Variants in UBAP2L observed in about 807,000 individuals in gnomAD.
The protein encoded by UBAP2L is ubiquitin-associated protein 2-like.
In UBAP2L, 12 loss-of-function variants were observed where a neutral mutation model predicts 130.6. That is an observed-to-expected ratio of 0.09 (90% CI 0.06 to 0.15). The LOEUF is 0.15. Among genes scored for constraint, UBAP2L ranks in the 10% least tolerant of loss-of-function variants. UBAP2L has a pLI of 1.00. For synonymous variants in UBAP2L, 503 were observed against 524.7 expected (o/e 0.96, Z 0.57); for missense variants, 965 against 1,332.5 (o/e 0.72, Z 4.29).
intron 24 of UBAP2L, chr1:154,263,181 G>A (rs11265398): frequency 0.065 from 101,507 of 1,550,316 alleles, 4,147 homozygotes; most frequent in South Asian, 0.16. Context: ...GCTGTGTTTT[G>A]TGTGTGTGTA....
At position 154,249,307 on chromosome 1, in the gene UBAP2L, G is replaced by A. The variant is rs758654934; in HGVS notation, c.1083G>A (p.Gln361=). The change falls in exon 12 of 27, where the codon CAG becomes CAA. Residue 361 remains glutamine (Q), a synonymous_variant. Transcript: ENST00000428931. ...EAKGGSTTGS[Q]FLEQFKTAQA... ...AAGGCGGCAGTACTACAGGCTCCCAGTTCTTGGAGCAATTCAAGACTGCCC... is the reference window on the plus strand; with the variant it reads ...AAGGCGGCAGTACTACAGGCTCCCAATTCTTGGAGCAATTCAAGACTGCCC... The A allele has an allele frequency of 6.2e-7, 1 of 1,614,182 alleles. No homozygotes were observed. The highest frequency in any genetic ancestry group is 2.2e-5 in the East Asian group (1 of 44,872).
intron 3 of UBAP2L, 98 bp downstream of exon 3, chr1:154,227,457 T>C (rs1668336384): frequency 9.2e-7 from 1 of 1,090,292 alleles, no homozygotes; most frequent in Non-Finnish European, 1.4e-6. Context: ...CTTTCTACTA[T>C]AGGTATTGAA....
chr1:154,271,061 A>G (rs1397414214), downstream of UBAP2L: 2 of 994,862 alleles, frequency 2.0e-6, no homozygotes, highest in Non-Finnish European at 2.9e-6. Context: ...CCTCACCCCT[A>G]AGACTTTCAC....
intron 4 of UBAP2L, among the ~76,000 whole-genome samples, chr1:154,231,247 C>G (rs1669736147): frequency 6.6e-6 from 1 of 150,792 alleles, no homozygotes; most frequent in Middle Eastern, 3.6e-3. Flanking sequence ...ACCTCAGCCT[C>G]TTTAGTAGCT....
At chr1:154,249,753 A>G (rs1676848862) in intron 12 of UBAP2L, among the ~76,000 whole-genome samples, 1 of 151,920 alleles carries the variant, frequency 6.6e-6, no homozygotes, top group Non-Finnish European at 1.5e-5. Context: ...CCTGAGCAAC[A>G]TATCAAGACT....
chr1:154,266,367 C>T (rs1417566894), intron 24 of UBAP2L, 134 bp from the exon 25 acceptor site: 8 of 886,392 alleles, frequency 9.0e-6, no homozygotes, highest in Non-Finnish European at 1.5e-5. Flanking sequence ...TCAGGACTAA[C>T]TTGAAGCTGG....
Position 154,270,563 on chromosome 1 carries a change from G to A in UBAP2L, c.*268G>A. 18 of 1,425,394 alleles carry A rather than the reference G, an allele frequency of 1.3e-5. No individual in the cohort carries two copies. The highest frequency in any genetic ancestry group is 1.6e-5 in the Non-Finnish European group (18 of 1,093,614). The allele number at this position is 1,425,394 out of a possible 1,614,324, so 88.3% of individuals were successfully genotyped here. A position where few individuals can be genotyped will look rare whatever the true frequency, so the allele number is the denominator to read the frequency against. Reference sequence around the variant, plus strand: ...ATTCAAGATTATGAAACTTTGCTATGGGCCCTGCACTTCCTTTGCTTCCTC... The same window carrying A: ...ATTCAAGATTATGAAACTTTGCTATAGGCCCTGCACTTCCTTTGCTTCCTC... On this transcript the variant is annotated 3_prime_UTR_variant, in exon 27 of 27. Coordinates refer to ENST00000428931, the MANE Select transcript of UBAP2L (RefSeq NM_014847.4).
At chr1:154,263,478 A>G in intron 24 of UBAP2L, 6 of 1,124,766 alleles carry the variant, frequency 5.3e-6, no homozygotes, top group Non-Finnish European at 5.4e-6. Flanking sequence ...TGTAGTCTTC[A>G]ATAAACTGTG....
chr1:154,242,266 T>C (rs572192631), intron 9 of UBAP2L, among the ~76,000 whole-genome samples: 1 of 152,372 alleles, frequency 6.6e-6, no homozygotes, highest in Admixed American at 6.5e-5. Context: ...GTTTTAACAT[T>C]TTTAATCTAT....
At chr1:154,259,243 G>A (rs1680682613) in intron 21 of UBAP2L, among the ~76,000 whole-genome samples, 1 of 152,042 alleles carries the variant, frequency 6.6e-6, no homozygotes, top group Non-Finnish European at 1.5e-5. Context: ...TCAAGCTGGA[G>A]TGCAGTGGTG....
downstream of UBAP2L, chr1:154,271,133 C>T (rs1684659835): frequency 1.7e-6 from 1 of 586,146 alleles, no homozygotes; most frequent in Non-Finnish European, 2.9e-6. Flanking sequence ...GCTACATCTA[C>T]AGCCGATTTC....
chr1:154,265,846 C>T (rs993021363), intron 24 of UBAP2L, among the ~76,000 whole-genome samples: 1 of 152,096 alleles, frequency 6.6e-6, no homozygotes, highest in East Asian at 1.9e-4. Flanking sequence ...TCTACCTATC[C>T]CTCCCCACCC....
At chr1:154,235,879 T>C (rs1456466104) in intron 6 of UBAP2L, among the ~76,000 whole-genome samples, 1 of 152,040 alleles carries the variant, frequency 6.6e-6, no homozygotes, top group Admixed American at 6.6e-5. Flanking sequence ...AGGTTATAGG[T>C]GTGAGAGACA....
At chr1:154,227,728 A>G (rs1443225055) in intron 3 of UBAP2L, among the ~76,000 whole-genome samples, 1 of 151,064 alleles carries the variant, frequency 6.6e-6, no homozygotes, top group Admixed American at 6.6e-5. Context: ...TTGTATTTTT[A>G]GTAAAGATGG....
In UBAP2L at chr1:154,261,642, A is replaced by G; in HGVS notation, c.2847A>G (p.Ala949=). 1.2e-6 allele frequency: 2 copies of G among 1,614,126 alleles called. No homozygotes were observed. The highest frequency in any genetic ancestry group is 1.7e-5 in the Admixed American group (1 of 60,004). ...KQHGVNVSVN[A]SATPFQQPSG... is the part of the protein sequence containing the mutation. Reference sequence around the variant, plus strand: ...ATGGTGTGAATGTCAGTGTGAATGCATCGGCCACCCCTTTCCAACAGCCGA... The same window carrying G: ...ATGGTGTGAATGTCAGTGTGAATGCGTCGGCCACCCCTTTCCAACAGCCGA... Residue 949 remains alanine (A), a synonymous_variant, in exon 24 of 27, where the codon GCA becomes GCG. Coordinates refer to ENST00000428931, the MANE Select transcript of UBAP2L (RefSeq NM_014847.4).
intron 24 of UBAP2L, 113 bp from the exon 25 acceptor site, chr1:154,266,387 CA>C (rs1181468694): frequency 8.5e-7 from 1 of 1,171,102 alleles, no homozygotes; most frequent in East Asian, 2.4e-5. Flanking sequence ...GAAAACCGAC[CA>C]AAATTCCCTT....
chr1:154,233,018 CTT>C (rs1339953340), intron 4 of UBAP2L, among the ~76,000 whole-genome samples: 3 of 148,394 alleles, frequency 2.0e-5, no homozygotes, highest in Admixed American at 6.7e-5. Flanking sequence ...ACCTTTTTTT[CTT>C]TTTTTTTTTT....
upstream of UBAP2L, chr1:154,220,667 C>T: frequency 1.8e-6 from 1 of 551,362 alleles, no homozygotes; most frequent in South Asian, 2.1e-5. Flanking sequence ...CGCTCAGACG[C>T]GGAACTACGA....
intron 26 of UBAP2L, chr1:154,269,240 C>T (rs1208544647): frequency 2.9e-6 from 3 of 1,025,702 alleles, no homozygotes; most frequent in African/African-American, 1.6e-5. Flanking sequence ...CTGGGTCACA[C>T]CTTCCCTCTT....
Sources: allele counts gnomAD v4.1 joint callset (sites outside exome capture counted in the v4.1 genomes callset), GRCh38; gene constraint gnomAD v4.1.1; transcripts MANE v1.5; gene names NCBI Gene and HGNC (gene_info 2026-07-23, HGNC 2026-07-21).